Variants in ZCCHC7 observed in about 807,000 individuals in gnomAD.
ZCCHC7 encodes zinc finger CCHC-type containing 7, also known as zinc finger CCHC domain-containing protein 7.
A neutral mutation model predicts 52.0 loss-of-function variants in ZCCHC7; 35 were observed. The ratio of observed to expected loss-of-function variants is 0.67; its 90% CI spans 0.51 to 0.89. ZCCHC7 has a LOEUF of 0.89. ZCCHC7 is among the 40% of genes least tolerant of loss of function. ZCCHC7 has a pLI of 0.00. For missense variants in ZCCHC7, 574 were observed against 649.1 expected (o/e 0.88, Z 1.26); for synonymous variants, 217 against 221.5 (o/e 0.98, Z 0.18).
chr9:37,184,457 T>C (rs575459954), intron 2 of ZCCHC7, among the ~76,000 whole-genome samples: 1 of 152,036 alleles, frequency 6.6e-6, no homozygotes, highest in East Asian at 1.9e-4. Flanking sequence ...AGGTGCTCTA[T>C]GTTTTACTGA....
At chr9:37,268,558 C>T (rs935929755) in intron 2 of ZCCHC7, among the ~76,000 whole-genome samples, 9 of 152,144 alleles carry the variant, frequency 5.9e-5, no homozygotes, top group Non-Finnish European at 8.8e-5. Context: ...TCCCAAGTAG[C>T]TGGGACTACA....
At chr9:37,261,972 T>C (rs540176085) in intron 2 of ZCCHC7, among the ~76,000 whole-genome samples, 2 of 152,158 alleles carry the variant, frequency 1.3e-5, no homozygotes, top group South Asian at 4.1e-4. Context: ...CGCACACTCA[T>C]TGCGTGAAAG....
chr9:37,352,511 C>CTTTTTTTTTTTTTTTTTT (rs869266535), intron 7 of ZCCHC7, among the ~76,000 whole-genome samples: 8 of 81,576 alleles, frequency 9.8e-5, no homozygotes, highest in East Asian at 7.0e-4. Flanking sequence ...ACAATTTGCT[C>CTTTTTTTTTTTTTTTTTT]TTTTTTTTTT....
chr9:37,187,091 T>C (rs1225831827), intron 2 of ZCCHC7: 1 of 160,320 alleles, frequency 6.2e-6, no homozygotes, highest in Non-Finnish European at 1.4e-5. Context: ...CTTTAAATTA[T>C]TGCTCAGTGT....
Position 37,250,396 on chromosome 9 carries a change from G to A in ZCCHC7, c.611-51792G>A, listed in dbSNP as rs1258303039. Among the ~76,000 whole-genome samples, 3 of 151,550 alleles carry A rather than the reference G, an allele frequency of 2.0e-5. No individual in the cohort carries two copies. In the East Asian group the frequency reaches 5.8e-4, roughly 29 times the overall value. ...AGCGCACTGCAACCTCCGCCTCCTG[G>A]ATTCAAGCAATTTTCCTGCCTCAGC... is the stretch of plus-strand genomic sequence containing the variant. On this transcript the variant is annotated intron_variant, in intron 2 of 8. Coordinates refer to ENST00000336755, the MANE Select transcript of ZCCHC7 (RefSeq NM_032226.3).
intron 2 of ZCCHC7, among the ~76,000 whole-genome samples, chr9:37,193,336 T>C (rs1823115409): frequency 6.6e-6 from 1 of 152,196 alleles, no homozygotes; most frequent in Non-Finnish European, 1.5e-5. Flanking sequence ...ACTTTTGTAC[T>C]GTGTAAATCA....
intron 2 of ZCCHC7, among the ~76,000 whole-genome samples, chr9:37,145,784 T>C (rs1293840529): frequency 6.6e-6 from 1 of 151,980 alleles, no homozygotes; most frequent in Non-Finnish European, 1.5e-5. Flanking sequence ...CCTCGTTTAA[T>C]AGATTGAGAT....
At chr9:37,204,917 C>T (rs995239709) in intron 2 of ZCCHC7, among the ~76,000 whole-genome samples, 1 of 152,174 alleles carries the variant, frequency 6.6e-6, no homozygotes, top group Admixed American at 6.5e-5. Context: ...GGGCAAAGCA[C>T]TTAACATGTC....
At chr9:37,124,766 C>A (rs1193063125) in intron 1 of ZCCHC7, among the ~76,000 whole-genome samples, 2 of 152,232 alleles carry the variant, frequency 1.3e-5, no homozygotes, top group Non-Finnish European at 2.9e-5. Flanking sequence ...CATTTATTCC[C>A]AAAGCTGGGA....
At chr9:37,152,334 TTAG>T (rs1384071828) in intron 2 of ZCCHC7, among the ~76,000 whole-genome samples, 4 of 152,270 alleles carry the variant, frequency 2.6e-5, no homozygotes, top group African/African-American at 9.6e-5. Context: ...GTTTTTCCCA[TTAG>T]TAGCATCTTA....
At chr9:37,327,770 C>G (rs1348672047) in intron 5 of ZCCHC7, 29 bp from the exon 6 acceptor site, 3 of 1,612,554 alleles carry the variant, frequency 1.9e-6, no homozygotes, top group Non-Finnish European at 2.5e-6. Flanking sequence ...GTTTCATGCT[C>G]CCAGCTGATC....
At chr9:37,174,244 G>T (rs1821894576) in intron 2 of ZCCHC7, among the ~76,000 whole-genome samples, 1 of 152,094 alleles carries the variant, frequency 6.6e-6, no homozygotes, top group South Asian at 2.1e-4. Flanking sequence ...GGGAGGCGGA[G>T]GTTGCGGTGA....
intron 2 of ZCCHC7, among the ~76,000 whole-genome samples, chr9:37,199,327 CTTTTTTTTTT>C: frequency 7.7e-6 from 1 of 129,660 alleles, no homozygotes; most frequent in Admixed American, 7.9e-5. Flanking sequence ...TTTCTTTCTT[CTTTTTTTTTT>C]TTTTTTTTCT....
intron 2 of ZCCHC7, among the ~76,000 whole-genome samples, chr9:37,175,926 T>C (rs978771789): frequency 6.6e-6 from 1 of 152,230 alleles, no homozygotes; most frequent in Non-Finnish European, 1.5e-5. Flanking sequence ...GTTTAAATAC[T>C]GTTGTGGTAA....
chr9:37,240,019 G>A (rs1030554669), intron 2 of ZCCHC7, among the ~76,000 whole-genome samples: 2 of 151,974 alleles, frequency 1.3e-5, no homozygotes, highest in Non-Finnish European at 2.9e-5. Flanking sequence ...CATTTATGTA[G>A]CAAAATGATG....
At chr9:37,233,685 A>G (rs957882373) in intron 2 of ZCCHC7, among the ~76,000 whole-genome samples, 1 of 152,222 alleles carries the variant, frequency 6.6e-6, no homozygotes, top group African/African-American at 2.4e-5. Context: ...TTAGTATTGC[A>G]GTGGAGCCAC....
intron 5 of ZCCHC7, among the ~76,000 whole-genome samples, chr9:37,320,843 T>C (rs867024904): frequency 6.6e-6 from 1 of 152,194 alleles, no homozygotes; most frequent in African/African-American, 2.4e-5. Flanking sequence ...TAGAACTGGA[T>C]GACAGGGCAT....
At chr9:37,162,281 A>G (rs1193092761) in intron 2 of ZCCHC7, among the ~76,000 whole-genome samples, 2 of 152,126 alleles carry the variant, frequency 1.3e-5, no homozygotes, top group Non-Finnish European at 1.5e-5. Flanking sequence ...GTACAGTTTC[A>G]TAGGTTTTAA....
rs756815233 is a variant in ZCCHC7, at chr9:37,356,956, T to G, written c.1320T>G (p.Pro440=). 1 of 1,613,548 alleles carries G rather than the reference T, an allele frequency of 6.2e-7. No individual in the cohort carries two copies. Among genetic ancestry groups the G allele is most frequent in the South Asian group, 1.1e-5 (1 of 91,034 alleles). The stretch of plus-strand genomic sequence containing the variant: ...CCTCATGGAAAAGCAACAGGTGGCC[T>G]CAAGAAAATAAAGAAACACAAAAAG... The part of the protein sequence containing the change: ...GRASWKSNRW[P]QENKETQKEM... The change falls in exon 9 of 9, where the codon CCT becomes CCG. Residue 440 remains proline, a synonymous_variant. Coordinates refer to ENST00000336755, the MANE Select transcript of ZCCHC7 (RefSeq NM_032226.3).
Sources: allele counts gnomAD v4.1 joint callset (sites outside exome capture counted in the v4.1 genomes callset), GRCh38; gene constraint gnomAD v4.1.1; transcripts MANE v1.5; gene names NCBI Gene and HGNC (gene_info 2026-07-23, HGNC 2026-07-21).